The following PDE11A variants were observed in gnomAD, a reference collection of about 807,000 sequenced individuals.
The protein encoded by PDE11A is dual 3',5'-cyclic-AMP and -GMP phosphodiesterase 11A.
In PDE11A, 100 loss-of-function variants were observed where a neutral mutation model predicts 100.5. The ratio of observed to expected loss-of-function variants is 1.00; its 90% CI spans 0.85 to 1.18. PDE11A has a LOEUF of 1.18. PDE11A is among the 50% of genes most tolerant of loss of function. The probability of loss-of-function intolerance (pLI) is 0.00; values close to 1 mark genes in which losing one functional copy is unlikely to be tolerated. For synonymous variants in PDE11A, 381 were observed against 420.8 expected (o/e 0.91, Z 1.16); for missense variants, 1,141 against 1,152.6 (o/e 0.99, Z 0.15).
chr2:177,707,751 T>C (rs1347136152), intron 13 of PDE11A, among the ~76,000 whole-genome samples: 3 of 152,046 alleles, frequency 2.0e-5, no homozygotes, highest in Non-Finnish European at 2.9e-5. Context: ...TTTGATTAGG[T>C]GTGCACTGTT....
At position 178,072,174 on chromosome 2, in the gene PDE11A, G is replaced by A. The variant is rs1366030489; in HGVS notation, c.264C>T (p.Pro88=). ...GAACCCCACCACAGTCCCCGCCACCGGGAAGGGGCTGGCTGTGGGCAGAGC... is the reference window on the plus strand; with the variant it reads ...GAACCCCACCACAGTCCCCGCCACCAGGAAGGGGCTGGCTGTGGGCAGAGC... ...PNGSAHSQPL[P]GGGDCGGVPL... is the part of the protein sequence containing the mutation. The change falls in exon 1 of 20, where the codon CCC becomes CCT. Residue 88 remains proline (P), a synonymous_variant. Transcript: ENST00000286063. The A allele has an allele frequency of 1.5e-5, 24 of 1,613,880 alleles. No homozygotes were observed. Among genetic ancestry groups the A allele is most frequent in the East Asian group, 2.2e-5 (1 of 44,866 alleles).
At chr2:177,944,840 GTCTCCCTCTCCCTCT>G (rs2085386832) in intron 2 of PDE11A, among the ~76,000 whole-genome samples, 1 of 45,166 alleles carries the variant, frequency 2.2e-5, no homozygotes, top group African/African-American at 5.3e-5. Flanking sequence ...CTCCCTCTCC[GTCTCCCTCTCCCTCT>G]CCCCACGGTC....
intron 9 of PDE11A, among the ~76,000 whole-genome samples, chr2:177,785,469 G>A (rs6718993): frequency 0.32 from 48,100 of 149,892 alleles, 7,421 homozygotes; most frequent in African/African-American, 0.38. Flanking sequence ...GCAGAAGACG[G>A]GTGATTTCTG....
At chr2:177,831,819 T>A (rs2083313264) in intron 6 of PDE11A, among the ~76,000 whole-genome samples, 1 of 152,234 alleles carries the variant, frequency 6.6e-6, no homozygotes, top group South Asian at 2.1e-4. Context: ...TATCTATTAC[T>A]TTAACTGATG....
chr2:177,751,926 T>C (rs895459378), intron 10 of PDE11A, among the ~76,000 whole-genome samples: 3 of 152,162 alleles, frequency 2.0e-5, no homozygotes, highest in Admixed American at 6.5e-5. Flanking sequence ...TTTTTGTGAC[T>C]GTGGAAAGGG....
intron 5 of PDE11A, among the ~76,000 whole-genome samples, chr2:177,864,189 G>A (rs75626900): frequency 0.011 from 1,718 of 152,084 alleles, 26 homozygotes; most frequent in East Asian, 0.075. Flanking sequence ...AGTTACTAGG[G>A]GTAGTAGTCA....
At chr2:177,954,161 T>C (rs2085534341) in intron 2 of PDE11A, among the ~76,000 whole-genome samples, 1 of 151,974 alleles carries the variant, frequency 6.6e-6, no homozygotes, top group African/African-American at 2.4e-5. Flanking sequence ...CCTGTTTCCT[T>C]TGAAATCCTC....
intron 10 of PDE11A, among the ~76,000 whole-genome samples, chr2:177,746,904 G>C (rs189411435): frequency 2.2e-4 from 33 of 152,338 alleles, no homozygotes; most frequent in Admixed American, 2.0e-3. Context: ...TCTAACATTA[G>C]CATCAAATGA....
At position 177,943,078 on chromosome 2, in the gene PDE11A, A is replaced by G. The variant is rs976374757; in HGVS notation, c.1072-37891T>C. 2.0e-5 allele frequency among the ~76,000 whole-genome samples: 3 copies of G among 152,314 alleles called. No homozygotes were observed. In the South Asian group the frequency reaches 6.2e-4, roughly 32 times the overall value. ...CCTTTTTAAAGCTGAAAAATATTCCATTGTAGGTGTACAATACCACAATAT... is the reference window on the plus strand; with the variant it reads ...CCTTTTTAAAGCTGAAAAATATTCCGTTGTAGGTGTACAATACCACAATAT... On this transcript the variant is annotated intron_variant, in intron 2 of 19. Transcript: ENST00000286063.
At position 177,875,899 on chromosome 2, in the gene PDE11A, C is replaced by G. The variant is rs75920749; in HGVS notation, c.1327G>C (p.Glu443Gln). 2 of 1,612,204 alleles carry G rather than the reference C, an allele frequency of 1.2e-6. No individual in the cohort carries two copies. Among genetic ancestry groups the G allele is most frequent in the African/African-American group, 2.7e-5 (2 of 74,980 alleles). The change falls in exon 5 of 20, where the codon GAA becomes CAA. Residue 443 changes from glutamate to glutamine, a missense_variant. Transcript: ENST00000286063. ...GCACTGCACTTTGGGGACATCAATT[C>G]AAAGGATTTGGTAAATTTCACCACC... ...SPVVKFTKSF[E>Q]LMSPKCSADA...
At chr2:177,917,956 C>T (rs1056867676) in intron 2 of PDE11A, among the ~76,000 whole-genome samples, 1 of 151,988 alleles carries the variant, frequency 6.6e-6, no homozygotes, top group Non-Finnish European at 1.5e-5. Context: ...TGTAATAGTA[C>T]CCTAAAATGA....
At chr2:177,998,182 A>C (rs2086101027) in intron 2 of PDE11A, 1 of 882,856 alleles carries the variant, frequency 1.1e-6, no homozygotes, top group Non-Finnish European at 2.0e-6. Context: ...CCCAGACAGT[A>C]ATTCATGAAT....
chr2:177,894,977 AAACTGTGATCC>A, intron 4 of PDE11A, among the ~76,000 whole-genome samples: 1 of 152,258 alleles, frequency 6.6e-6, no homozygotes, highest in East Asian at 1.9e-4. Context: ...GTATAAAACC[AAACTGTGATCC>A]AACTACCTTG....
chr2:177,874,660 G>A (rs1574240500), intron 5 of PDE11A, among the ~76,000 whole-genome samples: 1 of 152,174 alleles, frequency 6.6e-6, no homozygotes, highest in East Asian at 1.9e-4. Context: ...CCAAGCGGAT[G>A]TTATTGGCCA....
In PDE11A at chr2:177,629,250, G is replaced by T. The variant is rs1014562817; in HGVS notation, c.*157C>A. The T allele has an allele frequency of 2.7e-6, 2 of 732,548 alleles. No individual in the cohort carries two copies. Among genetic ancestry groups the T allele is most frequent in the South Asian group, 1.5e-5 (1 of 66,328 alleles). 45.4% of individuals were successfully genotyped at this position (732,548 alleles called of 1,614,324 possible). A position where few individuals can be genotyped will look rare whatever the true frequency, so the allele number is the denominator to read the frequency against. The stretch of plus-strand genomic sequence containing the variant: ...TGTCCTTCCCGTTGCTCTCTCTGCT[G>T]CTGACCATGCTTCAAGGTGAAAGCC... On this transcript the variant is annotated 3_prime_UTR_variant, in exon 20 of 20. Coordinates refer to ENST00000286063, the MANE Select transcript of PDE11A (RefSeq NM_016953.4).
chr2:177,649,122 G>T (rs951406976), intron 19 of PDE11A, among the ~76,000 whole-genome samples: 1 of 152,080 alleles, frequency 6.6e-6, no homozygotes, highest in African/African-American at 2.4e-5. Flanking sequence ...GTAATACATT[G>T]TGTTGGTAAG....
At chr2:178,002,883 A>G (rs1372160757) in intron 2 of PDE11A, among the ~76,000 whole-genome samples, 1 of 152,160 alleles carries the variant, frequency 6.6e-6, no homozygotes, top group Non-Finnish European at 1.5e-5. Flanking sequence ...TTTTCTGGAG[A>G]GAAAAATGAG....
At chr2:178,056,668 A>G (rs2086902919) in intron 1 of PDE11A, among the ~76,000 whole-genome samples, 1 of 152,228 alleles carries the variant, frequency 6.6e-6, no homozygotes, top group Non-Finnish European at 1.5e-5. Context: ...TGATATTAAA[A>G]TGGAAAAGAA....
At chr2:177,939,390 G>A (rs1343590261) in intron 2 of PDE11A, among the ~76,000 whole-genome samples, 3 of 143,290 alleles carry the variant, frequency 2.1e-5, no homozygotes, top group Non-Finnish European at 4.6e-5. Context: ...GAAGGAAGGA[G>A]GGAGAGAGGG....
Sources: gnomAD v4.1 joint callset for allele counts (sites outside exome capture counted in the v4.1 genomes callset) on GRCh38, gnomAD v4.1.1 for gene constraint, MANE v1.5 for transcripts, NCBI Gene and HGNC (gene_info 2026-07-23, HGNC 2026-07-21) for gene names.